Variants in SCMH1 observed in about 807,000 individuals in gnomAD.
SCMH1 encodes the protein Scm polycomb group protein homolog 1.
In SCMH1, 37 loss-of-function variants were observed where a neutral mutation model predicts 70.8. That is an observed-to-expected ratio of 0.52 (90% CI 0.40 to 0.69). SCMH1 has a LOEUF of 0.69. Among genes scored for constraint, SCMH1 ranks in the 30% least tolerant of loss-of-function variants. The pLI, the probability that SCMH1 is intolerant of heterozygous loss-of-function variation, is 0.00. For missense variants in SCMH1, 607 were observed against 827.3 expected (o/e 0.73, Z 3.27); for synonymous variants, 292 against 307.4 (o/e 0.95, Z 0.52).
At chr1:41,190,557 G>A (rs999377062) in intron 1 of SCMH1, among the ~76,000 whole-genome samples, 3 of 152,208 alleles carry the variant, frequency 2.0e-5, no homozygotes, top group African/African-American at 7.2e-5. Flanking sequence ...GAGGAAGAGG[G>A]AGGCTGGACT....
chr1:41,195,800 T>C (rs1036514245), intron 1 of SCMH1, among the ~76,000 whole-genome samples: 4 of 152,148 alleles, frequency 2.6e-5, no homozygotes, highest in African/African-American at 7.2e-5. Flanking sequence ...TGATATACTC[T>C]TATATGTAGG....
chr1:41,134,123 T>C (rs761098820), intron 6 of SCMH1, among the ~76,000 whole-genome samples: 1 of 152,154 alleles, frequency 6.6e-6, no homozygotes, highest in Non-Finnish European at 1.5e-5. Context: ...GCAAGGCTAG[T>C]TCAACATACG....
chr1:41,238,579 T>C (rs1467632552), intron 1 of SCMH1, among the ~76,000 whole-genome samples: 3 of 152,126 alleles, frequency 2.0e-5, no homozygotes, highest in Non-Finnish European at 4.4e-5. Context: ...CTGGGTCACA[T>C]CTTTCTCTCT....
intron 1 of SCMH1, among the ~76,000 whole-genome samples, chr1:41,230,804 G>A (rs1378104217): frequency 6.6e-6 from 1 of 152,074 alleles, no homozygotes; most frequent in African/African-American, 2.4e-5. Context: ...TAATTCCTAT[G>A]TTCTATCCCC....
intron 1 of SCMH1, among the ~76,000 whole-genome samples, chr1:41,223,268 G>T (rs771038891): frequency 6.6e-6 from 1 of 152,212 alleles, no homozygotes; most frequent in Non-Finnish European, 1.5e-5. Context: ...AAAACTCACA[G>T]TAATGCAAAT....
intron 13 of SCMH1, among the ~76,000 whole-genome samples, chr1:41,030,119 G>C (rs1216286365): frequency 6.6e-6 from 1 of 152,180 alleles, no homozygotes; most frequent in African/African-American, 2.4e-5. Context: ...AGAAGGCTGA[G>C]GCAGGAGATC....
chr1:41,114,016 A>G lies in SCMH1; in HGVS notation c.502-490T>C, dbSNP rs117485644. 9.3e-4 allele frequency among the ~76,000 whole-genome samples: 141 copies of G among 152,330 alleles called. 4 individuals are homozygous for G. In the East Asian group the frequency reaches 0.025, roughly 27 times the overall value. On this transcript the variant is annotated intron_variant, in intron 7 of 14. Coordinates refer to ENST00000337495, the Ensembl canonical transcript of SCMH1. ...GCTCTGATTCATTTTAACTTGTAATAGTATTTCATTGTATATATATATCGA... is the reference window on the plus strand; with the variant it reads ...GCTCTGATTCATTTTAACTTGTAATGGTATTTCATTGTATATATATATCGA...
chr1:41,128,293 G>A (rs1572403423), intron 6 of SCMH1, among the ~76,000 whole-genome samples: 2 of 151,848 alleles, frequency 1.3e-5, no homozygotes, highest in East Asian at 3.8e-4. Context: ...TTTTTTCCAT[G>A]TTATCATTTT....
exon 15 of SCMH1, chr1:41,027,945 G>A (rs1301200820): frequency 2.0e-6 from 1 of 507,930 alleles, no homozygotes; most frequent in Non-Finnish European, 3.5e-6. Context: ...TAAATAGAGG[G>A]ACCTTAGAGC....
chr1:41,165,440 T>G (rs902260386), intron 2 of SCMH1, among the ~76,000 whole-genome samples: 1 of 152,150 alleles, frequency 6.6e-6, no homozygotes, highest in African/African-American at 2.4e-5. Context: ...AATTCTATTT[T>G]CAGTATTTTG....
intron 12 of SCMH1, among the ~76,000 whole-genome samples, chr1:41,040,807 T>C (rs1646040604): frequency 6.6e-6 from 1 of 152,060 alleles, no homozygotes; most frequent in Admixed American, 6.5e-5. Context: ...GAGGTTGCAG[T>C]GAGCTGAGAT....
At position 41,052,917 on chromosome 1, in the gene SCMH1, C is replaced by CTTT. The variant is rs113009874; in HGVS notation, c.1106-4030_1106-4028dup. On this transcript the variant is annotated intron_variant, in intron 10 of 14. Transcript: ENST00000337495. ...TGCTTAAAACTCATTAAATTGTAGGCTTTTTTTTTTTTTTTCTTGAGACAG... is the reference window on the plus strand; with the variant it reads ...TGCTTAAAACTCATTAAATTGTAGGCTTTTTTTTTTTTTTTTTTCTTGAGACAG... 1.1e-3 allele frequency among the ~76,000 whole-genome samples: 154 copies of CTTT among 134,720 alleles called. 6 individuals are homozygous for CTTT. The highest frequency in any genetic ancestry group is 1.2e-3 in the Non-Finnish European group (77 of 64,470). The allele number at this position is 134,720 out of a possible 152,430, so 88.4% of individuals were successfully genotyped here.
At position 41,070,736 on chromosome 1, in the gene SCMH1, G is replaced by A; in HGVS notation, c.979-15C>T. ...CGAGGTTTCCTCTGTCAAAATGAAT[G>A]GGAAAAAAATTGCTACCCATGACAG... On this transcript the variant is annotated splice_polypyrimidine_tract_variant and intron_variant, in intron 9 of 14. Transcript: ENST00000337495. 1 of 1,612,798 alleles carries A rather than the reference G, an allele frequency of 6.2e-7. No homozygotes were observed. Among genetic ancestry groups the A allele is most frequent in the South Asian group, 1.1e-5 (1 of 90,898 alleles).
intron 1 of SCMH1, among the ~76,000 whole-genome samples, chr1:41,190,364 C>G (rs1401034355): frequency 6.6e-6 from 1 of 152,118 alleles, no homozygotes; most frequent in African/African-American, 2.4e-5. Context: ...GAATTAGAAC[C>G]AGTGGGTGGA....
chr1:41,037,499 TC>T lies in SCMH1; in HGVS notation c.1540del (p.Glu514AsnfsTer60). On this transcript the variant is annotated frameshift_variant, in exon 13 of 15. Transcript: ENST00000337495. LOFTEE classifies it high-confidence loss of function. ...AGAGTCCATTGAGTCTGAGTGTGGT[TC>T]CAAGGAGCGGGCCAGACTATTCCCC... 2.5e-6 allele frequency: 4 copies of T among 1,614,184 alleles called. No homozygotes were observed. The highest frequency in any genetic ancestry group is 3.4e-6 in the Non-Finnish European group (4 of 1,180,016).
rs186353829 is a variant in SCMH1 at position 41,232,637 on chromosome 1, A to G, written c.-118+9422T>C. Among the ~76,000 whole-genome samples the G allele has an allele frequency of 6.6e-5, 10 of 152,312 alleles. No homozygotes were observed. The East Asian group carries it at 1.9e-3, about 29-fold the overall frequency. On this transcript the variant is annotated intron_variant, in intron 1 of 14. Transcript: ENST00000337495. Reference sequence around the variant, plus strand: ...TCTTGGCCAGCTATCTCTGAGTCTCAGTTTCTTTATGTATAAAATAGAGGT... The same window carrying G: ...TCTTGGCCAGCTATCTCTGAGTCTCGGTTTCTTTATGTATAAAATAGAGGT...
chr1:41,114,730 G>A (rs558515166), intron 7 of SCMH1, among the ~76,000 whole-genome samples: 1 of 151,820 alleles, frequency 6.6e-6, no homozygotes, highest in Non-Finnish European at 1.5e-5. Flanking sequence ...AGGCTGGAGT[G>A]CAGTGGTGTA....
intron 6 of SCMH1, among the ~76,000 whole-genome samples, chr1:41,125,226 A>AT (rs1309234070): frequency 4.0e-5 from 6 of 151,342 alleles, no homozygotes; most frequent in Non-Finnish European, 8.8e-5. Flanking sequence ...CCTTCTATAT[A>AT]TTTTTTTTAG....
intron 13 of SCMH1, among the ~76,000 whole-genome samples, chr1:41,031,538 G>C (rs564801161): frequency 6.6e-6 from 1 of 152,312 alleles, no homozygotes; most frequent in East Asian, 1.9e-4. Flanking sequence ...TGGGCACTGG[G>C]GAGAGGTATG....
Sources: allele counts gnomAD v4.1 joint callset (sites outside exome capture counted in the v4.1 genomes callset), GRCh38; gene constraint gnomAD v4.1.1; transcripts MANE v1.5; gene names NCBI Gene and HGNC (gene_info 2026-07-23, HGNC 2026-07-21).